Variants in NAALADL2 observed in about 807,000 individuals in gnomAD.
NAALADL2 encodes inactive N-acetylated-alpha-linked acidic dipeptidase-like protein 2.
In NAALADL2, 76 loss-of-function variants were observed where a neutral mutation model predicts 87.2. That is an observed-to-expected ratio of 0.87 (90% confidence interval 0.72 to 1.05). The LOEUF (loss-of-function observed/expected upper bound fraction) is 1.05, where lower values mean the gene tolerates loss of function less well. NAALADL2 is among the 50% of genes least tolerant of loss of function. The pLI is 0.00. For synonymous variants in NAALADL2, 354 were observed against 331.0 expected (o/e 1.07, Z -0.75); for missense variants, 1,089 against 945.8 (o/e 1.15, Z -1.99).
chr3:175,229,326 A>C (rs1744603385), intron 2 of NAALADL2, among the ~76,000 whole-genome samples: 1 of 151,992 alleles, frequency 6.6e-6, no homozygotes, highest in Non-Finnish European at 1.5e-5. Flanking sequence ...TGTTATGATT[A>C]AAAAGAGAGT....
chr3:174,890,504 AAG>A (rs1467808960), intron 1 of NAALADL2, among the ~76,000 whole-genome samples: 1 of 152,186 alleles, frequency 6.6e-6, no homozygotes, highest in Non-Finnish European at 1.5e-5. Context: ...TAGAGGCAAA[AAG>A]AAGTATTTTT....
rs372246885 is a variant in NAALADL2 at position 175,206,262 on chromosome 3, A to ATTTTT, written c.546-27662_546-27658dup. The stretch of plus-strand genomic sequence containing the variant: ...TAAAAAACTATATATATATATATAT[A>ATTTTT]TTTTTTTTTTTCACTGTGTGTGTGT... On this transcript the variant is annotated intron_variant, in intron 2 of 13. Coordinates refer to ENST00000454872, the MANE Select transcript of NAALADL2 (RefSeq NM_207015.3). Among the ~76,000 whole-genome samples the ATTTTT allele has an allele frequency of 1.8e-4, 19 of 103,146 alleles. 1 individual carries two copies. Among genetic ancestry groups the ATTTTT allele is most frequent in the African/African-American group, 7.6e-4 (16 of 20,988 alleles). 67.7% of individuals were successfully genotyped at this position (103,146 alleles called of 152,430 possible).
intron 2 of NAALADL2, among the ~76,000 whole-genome samples, chr3:174,614,636 A>T (rs1720266782): frequency 6.6e-6 from 1 of 152,112 alleles, no homozygotes; most frequent in Non-Finnish European, 1.5e-5. Flanking sequence ...TCTTTTAGTG[A>T]TATGAATTTA....
chr3:174,812,307 A>G (rs1469181372), intron 3 of NAALADL2, among the ~76,000 whole-genome samples: 2 of 152,170 alleles, frequency 1.3e-5, no homozygotes, highest in East Asian at 3.9e-4. Context: ...TAAGATTTTA[A>G]TGGAGCTGAA....
At chr3:174,540,456 C>A (rs1458346938) in intron 1 of NAALADL2, among the ~76,000 whole-genome samples, 1 of 152,162 alleles carries the variant, frequency 6.6e-6, no homozygotes, top group East Asian at 1.9e-4. Context: ...TTAACAAATT[C>A]TCTGTGCCAA....
At chr3:175,072,346 T>C (rs917105331) in intron 1 of NAALADL2, among the ~76,000 whole-genome samples, 8 of 151,690 alleles carry the variant, frequency 5.3e-5, no homozygotes, top group African/African-American at 1.9e-4. Flanking sequence ...TTTAAAGTCA[T>C]GATGTAAATT....
chr3:175,372,011 C>A (rs917685694), intron 5 of NAALADL2, among the ~76,000 whole-genome samples: 1 of 152,088 alleles, frequency 6.6e-6, no homozygotes, highest in African/African-American at 2.4e-5. Flanking sequence ...CCTACCATAA[C>A]ATGAAATAGA....
intron 4 of NAALADL2, among the ~76,000 whole-genome samples, chr3:175,321,702 C>T (rs1254555884): frequency 7.9e-6 from 1 of 127,368 alleles, no homozygotes; most frequent in African/African-American, 3.3e-5. Flanking sequence ...AACAGACAAA[C>T]AGAGAGCCAA....
intron 1 of NAALADL2, among the ~76,000 whole-genome samples, chr3:175,005,468 A>T (rs940595575): frequency 2.6e-5 from 4 of 152,188 alleles, no homozygotes; most frequent in African/African-American, 4.8e-5. Context: ...GTGAAAAGGG[A>T]TCACATTTGT....
At chr3:174,832,303 G>C (rs1323940363) in intron 3 of NAALADL2, among the ~76,000 whole-genome samples, 1 of 151,878 alleles carries the variant, frequency 6.6e-6, no homozygotes, top group Non-Finnish European at 1.5e-5. Flanking sequence ...ATTCTGGTAT[G>C]TTTTGTCTTT....
chr3:175,698,684 G>A (rs982816244), intron 11 of NAALADL2, among the ~76,000 whole-genome samples: 3 of 151,248 alleles, frequency 2.0e-5, no homozygotes, highest in East Asian at 1.9e-4. Flanking sequence ...AGAAGAATTC[G>A]TGTCATGTGC....
chr3:174,724,690 AT>A (rs1732024167), intron 2 of NAALADL2, among the ~76,000 whole-genome samples: 1 of 152,128 alleles, frequency 6.6e-6, no homozygotes, highest in South Asian at 2.1e-4. Flanking sequence ...ATTATATTTT[AT>A]TTGCTATCTG....
chr3:175,573,960 G>A (rs533900881), intron 9 of NAALADL2, among the ~76,000 whole-genome samples: 99 of 152,248 alleles, frequency 6.5e-4, no homozygotes, highest in African/African-American at 2.3e-3. Context: ...TGCCTTGTCT[G>A]TAAACTGAAA....
chr3:175,766,095 C>T (rs1009086743), intron 13 of NAALADL2, among the ~76,000 whole-genome samples: 1 of 152,084 alleles, frequency 6.6e-6, no homozygotes, highest in African/African-American at 2.4e-5. Context: ...TTCAGAGTTA[C>T]ATCCCCTAAC....
intron 5 of NAALADL2, among the ~76,000 whole-genome samples, chr3:175,346,144 G>C: frequency 6.6e-6 from 1 of 151,642 alleles, no homozygotes; most frequent in Non-Finnish European, 1.5e-5. Flanking sequence ...ATATTTTTCT[G>C]AATATATAAA....
intron 2 of NAALADL2, among the ~76,000 whole-genome samples, chr3:174,730,302 A>G (rs1447905511): frequency 6.6e-6 from 1 of 152,024 alleles, no homozygotes; most frequent in Non-Finnish European, 1.5e-5. Flanking sequence ...CCGTTTATAT[A>G]TTCATTAATT....
At chr3:175,070,099 A>C (rs1182634729) in intron 1 of NAALADL2, among the ~76,000 whole-genome samples, 1 of 151,042 alleles carries the variant, frequency 6.6e-6, no homozygotes, top group Non-Finnish European at 1.5e-5. Context: ...CCAGCATGGC[A>C]CATGTATACA....
intron 3 of NAALADL2, among the ~76,000 whole-genome samples, chr3:174,840,063 G>A (rs2109416448): frequency 6.6e-6 from 1 of 151,882 alleles, no homozygotes; most frequent in South Asian, 2.1e-4. Context: ...CATTTATATA[G>A]CAGCACAATT....
chr3:174,606,495 G>A (rs1451998602), intron 2 of NAALADL2, among the ~76,000 whole-genome samples: 1 of 151,370 alleles, frequency 6.6e-6, no homozygotes, highest in Non-Finnish European at 1.5e-5. Context: ...GGAGCTGAAA[G>A]CCAAGGCTTG....
Sources: gnomAD v4.1 joint callset for allele counts (sites outside exome capture counted in the v4.1 genomes callset) on GRCh38, gnomAD v4.1.1 for gene constraint, MANE v1.5 for transcripts, NCBI Gene and HGNC (gene_info 2026-07-23, HGNC 2026-07-21) for gene names.